Variants in RASAL2 observed in about 807,000 individuals in gnomAD.
RASAL2 encodes ras GTPase-activating protein nGAP.
A neutral mutation model predicts 128.9 loss-of-function variants in RASAL2; 58 were observed. The observed-to-expected ratio is 0.45, with a 90% CI of 0.36 to 0.56. RASAL2 has a LOEUF of 0.56. RASAL2 is among the 20% of genes least tolerant of loss of function. The pLI is 0.00. For missense variants in RASAL2, 1,360 were observed against 1,601.6 expected (o/e 0.85, Z 2.57); for synonymous variants, 561 against 580.8 (o/e 0.97, Z 0.49).
At chr1:178,142,235 C>A (rs1660560734) in intron 1 of RASAL2, among the ~76,000 whole-genome samples, 1 of 152,072 alleles carries the variant, frequency 6.6e-6, no homozygotes, top group Non-Finnish European at 1.5e-5. Context: ...AGACTCCACT[C>A]CAGCCACTTT....
intron 1 of RASAL2, among the ~76,000 whole-genome samples, chr1:178,227,376 A>C (rs1255663648): frequency 6.6e-6 from 1 of 152,188 alleles, no homozygotes; most frequent in Non-Finnish European, 1.5e-5. Flanking sequence ...AGTGCAGGGA[A>C]TTTTAAAGAA....
intron 1 of RASAL2, among the ~76,000 whole-genome samples, chr1:178,203,047 A>G (rs1662927098): frequency 1.3e-5 from 2 of 152,200 alleles, no homozygotes; most frequent in South Asian, 2.1e-4. Flanking sequence ...AGTTGGTGAC[A>G]GGTCGATTAT....
intron 1 of RASAL2, among the ~76,000 whole-genome samples, chr1:178,196,904 C>A (rs912702814): frequency 2.0e-5 from 3 of 152,164 alleles, no homozygotes; most frequent in Non-Finnish European, 4.4e-5. Flanking sequence ...GATGACTAAA[C>A]ATTAAAAAAT....
intron 1 of RASAL2, among the ~76,000 whole-genome samples, chr1:178,271,332 G>A (rs11807693): frequency 0.27 from 41,030 of 151,892 alleles, 6,450 homozygotes; most frequent in African/African-American, 0.44. Flanking sequence ...TTTTATTTCC[G>A]TTCTCACTAC....
At position 178,436,034 on chromosome 1, in the gene RASAL2, C is replaced by A. The variant is rs74131354; in HGVS notation, c.675-3388C>A. Among the ~76,000 whole-genome samples, 843 of 152,090 alleles carry A rather than the reference C, an allele frequency of 5.5e-3. 11 individuals are homozygous for A. The highest frequency in any genetic ancestry group is 0.019 in the African/African-American group (788 of 41,492). Reference sequence around the variant, plus strand: ...TACTAAAACTCTGTAGTTAGTAGATCTAAGAAAAATCAATTCAGAAGGAGG... The same window carrying A: ...TACTAAAACTCTGTAGTTAGTAGATATAAGAAAAATCAATTCAGAAGGAGG... On this transcript the variant is annotated intron_variant, in intron 5 of 17. Coordinates refer to ENST00000367649, the MANE Select transcript of RASAL2 (RefSeq NM_170692.4).
chr1:178,202,950 G>A (rs115289609), intron 1 of RASAL2, among the ~76,000 whole-genome samples: 3,011 of 152,264 alleles, frequency 0.02, 87 homozygotes, highest in African/African-American at 0.065. Flanking sequence ...CTTGGCCATG[G>A]CCACTGCTGA....
chr1:178,167,849 G>A (rs915416228), intron 1 of RASAL2, among the ~76,000 whole-genome samples: 3 of 151,914 alleles, frequency 2.0e-5, no homozygotes, highest in Admixed American at 6.6e-5. Context: ...ATGTGGACCC[G>A]TGCGATTAAA....
intron 1 of RASAL2, among the ~76,000 whole-genome samples, chr1:178,138,942 T>C (rs1660434003): frequency 1.3e-5 from 2 of 152,140 alleles, no homozygotes; most frequent in Admixed American, 6.5e-5. Flanking sequence ...AATTTTAAGA[T>C]TATATAATAC....
chr1:178,247,604 C>A (rs1195517299), intron 1 of RASAL2, among the ~76,000 whole-genome samples: 3 of 152,082 alleles, frequency 2.0e-5, no homozygotes, highest in Admixed American at 6.6e-5. Context: ...TTATTGCCTT[C>A]TGCTGGCTTT....
chr1:178,144,199 G>C (rs1463504377), intron 1 of RASAL2, among the ~76,000 whole-genome samples: 1 of 152,096 alleles, frequency 6.6e-6, no homozygotes, highest in Non-Finnish European at 1.5e-5. Context: ...TCTCTGCACA[G>C]ATAGATTCCG....
At chr1:178,396,515 C>T (rs1005644853) in intron 4 of RASAL2, among the ~76,000 whole-genome samples, 9 of 152,038 alleles carry the variant, frequency 5.9e-5, no homozygotes, top group Admixed American at 5.9e-4. Context: ...AGAAAATTTG[C>T]CACCTTCATG....
rs1214133011 is a variant in RASAL2, at chr1:178,390,096, C to T, written c.458-4C>T. ...GATGTTTCAACTTTCCTCCTTTTTT[C>T]CAGAGGTACCAGCAGAAAGGTCCCC... On this transcript the variant is annotated splice_region_variant and splice_polypyrimidine_tract_variant and intron_variant, in intron 3 of 17. Transcript: ENST00000367649. The T allele has an allele frequency of 6.3e-7, 1 of 1,583,800 alleles. No homozygotes were observed. The highest frequency in any genetic ancestry group is 8.6e-7 in the Non-Finnish European group (1 of 1,167,618).
chr1:178,465,809 AAG>A lies in RASAL2; in HGVS notation c.3388-109_3388-108del. ...GCTTAGGGTTTCTTTTGTTAAAAAAAAGAAAAAAGAAAAAGAAAAAAAGAAAG... is the reference window on the plus strand; with the variant it reads ...GCTTAGGGTTTCTTTTGTTAAAAAAAAAAAAAGAAAAAGAAAAAAAGAAAG... On this transcript the variant is annotated intron_variant, in intron 15 of 17. Coordinates refer to ENST00000367649, the MANE Select transcript of RASAL2 (RefSeq NM_170692.4). 25 of 1,052,074 alleles carry A rather than the reference AAG, an allele frequency of 2.4e-5. No homozygotes were observed. The African/African-American group carries it at 3.3e-4, about 14-fold the overall frequency. 65.2% of individuals were successfully genotyped at this position (1,052,074 alleles called of 1,614,324 possible).
chr1:178,374,186 A>G (rs1671872208), intron 3 of RASAL2, among the ~76,000 whole-genome samples: 1 of 152,182 alleles, frequency 6.6e-6, no homozygotes, highest in African/African-American at 2.4e-5. Flanking sequence ...CTCCACAGGA[A>G]TGAGGAACAA....
At chr1:178,165,746 A>G (rs1661497455) in intron 1 of RASAL2, among the ~76,000 whole-genome samples, 1 of 152,156 alleles carries the variant, frequency 6.6e-6, no homozygotes, top group Admixed American at 6.5e-5. Context: ...TTTGAGTTTC[A>G]GAACTGAAAG....
In RASAL2 at chr1:178,333,052, G is replaced by A. The variant is rs766075873; in HGVS notation, c.457+32934G>A. Among the ~76,000 whole-genome samples the A allele has an allele frequency of 5.3e-5, 8 of 151,172 alleles. No individual in the cohort carries two copies. In the East Asian group the frequency reaches 7.8e-4, roughly 15 times the overall value. On this transcript the variant is annotated intron_variant, in intron 3 of 17. Transcript: ENST00000367649. The stretch of plus-strand genomic sequence containing the variant: ...TTATTTATTAATTTTTTTTTGAGAC[G>A]GAGTCTCGCTCTATCGCCCAGGCTG...
chr1:178,470,807 T>C, intron 17 of RASAL2: 1 of 1,127,978 alleles, frequency 8.9e-7, no homozygotes, highest in Non-Finnish European at 1.2e-6. Context: ...TTCCAGCTCC[T>C]GCCACTCCCC....
At chr1:178,196,832 C>G (rs1662675173) in intron 1 of RASAL2, among the ~76,000 whole-genome samples, 1 of 152,106 alleles carries the variant, frequency 6.6e-6, no homozygotes, top group Admixed American at 6.5e-5. Context: ...AGGTGTTCAA[C>G]TTTATTAGTA....
intron 3 of RASAL2, among the ~76,000 whole-genome samples, chr1:178,314,906 A>G (rs1279311623): frequency 6.8e-6 from 1 of 147,344 alleles, no homozygotes; most frequent in African/African-American, 2.5e-5. Context: ...GTCATCTAGC[A>G]TTAGGTATAT....
Sources: gnomAD v4.1 joint callset for allele counts (sites outside exome capture counted in the v4.1 genomes callset) on GRCh38, gnomAD v4.1.1 for gene constraint, MANE v1.5 for transcripts, NCBI Gene and HGNC (gene_info 2026-07-23, HGNC 2026-07-21) for gene names.